PTGFRN: variants seen among roughly 807,000 people sequenced by gnomAD.
PTGFRN encodes the protein prostaglandin F2 receptor inhibitor, also known as prostaglandin F2 receptor negative regulator.
Under a neutral mutation model 83.2 loss-of-function variants are expected in PTGFRN, and 35 were observed. The ratio of observed to expected loss-of-function variants is 0.42; its 90% CI spans 0.32 to 0.56. The LOEUF (loss-of-function observed/expected upper bound fraction) is 0.56, where lower values mean the gene tolerates loss of function less well. Ranked by LOEUF, PTGFRN falls within the 20% of genes least tolerant of loss-of-function variation. PTGFRN has a pLI of 0.11. For missense variants in PTGFRN, 1,051 were observed against 1,179.5 expected (o/e 0.89, Z 1.60); for synonymous variants, 519 against 498.6 (o/e 1.04, Z -0.55).
At chr1:116,983,453 C>T (rs1050929182) in intron 7 of PTGFRN, among the ~76,000 whole-genome samples, 2 of 150,118 alleles carry the variant, frequency 1.3e-5, no homozygotes, top group Admixed American at 1.3e-4. Context: ...TTATGGCACT[C>T]CCTCTGCCCC....
intron 7 of PTGFRN, among the ~76,000 whole-genome samples, chr1:116,977,297 G>A (rs950226139): frequency 2.0e-5 from 3 of 152,106 alleles, no homozygotes; most frequent in Non-Finnish European, 4.4e-5. Context: ...CCCACTGTCA[G>A]CATTAGACAA....
intron 1 of PTGFRN, among the ~76,000 whole-genome samples, chr1:116,921,643 T>C (rs1032558738): frequency 2.6e-5 from 4 of 152,138 alleles, no homozygotes; most frequent in Non-Finnish European, 5.9e-5. Flanking sequence ...TTTTTTTTTT[T>C]AGTACTTCCG....
chr1:116,974,223 A>G lies in PTGFRN; in HGVS notation c.2067A>G (p.Ile689Met). ...IEIDFQTSGP[I>M]FNASVHSDTP... ...GCATTACTTTTTTTCCAGGTCCTAT[A>G]TTTAATGCTTCTGTGCATTCAGACA... is the stretch of plus-strand genomic sequence containing the variant. The change falls in exon 7 of 9, where the codon ATA becomes ATG. Residue 689 changes from isoleucine to methionine, a missense_variant. Physicochemically the swap from Ile to Met is conservative, Grantham distance 10 (BLOSUM62 1). Around this residue, in one of 3 missense-constraint regions of PTGFRN, gnomAD observed 719 missense variants for 836.6 expected, o/e 0.86. Transcript: ENST00000393203. The G allele has an allele frequency of 6.2e-7, 1 of 1,604,516 alleles. No homozygotes were observed. The highest frequency in any genetic ancestry group is 8.5e-7 in the Non-Finnish European group (1 of 1,171,798).
intron 5 of PTGFRN, among the ~76,000 whole-genome samples, chr1:116,964,962 A>T (rs962337992): frequency 6.6e-6 from 1 of 152,216 alleles, no homozygotes; most frequent in African/African-American, 2.4e-5. Context: ...AATCCTGTTA[A>T]ATATAAGTCA....
chr1:116,978,614 A>T (rs1651225249), intron 7 of PTGFRN, among the ~76,000 whole-genome samples: 1 of 152,226 alleles, frequency 6.6e-6, no homozygotes, highest in Non-Finnish European at 1.5e-5. Context: ...AGAACCAAAG[A>T]CAAAAACCAC....
chr1:116,954,123 G>C (rs949534023), intron 4 of PTGFRN, among the ~76,000 whole-genome samples: 128 of 152,192 alleles, frequency 8.4e-4, no homozygotes, highest in African/African-American at 2.9e-3. Context: ...CTCCCAAAGT[G>C]CTGGGATTAC....
chr1:116,926,279 A>G (rs1570647485), intron 1 of PTGFRN, among the ~76,000 whole-genome samples: 1 of 152,224 alleles, frequency 6.6e-6, no homozygotes, highest in South Asian at 2.1e-4. Flanking sequence ...ACTAGAGGCT[A>G]AAAAGAGGAC....
chr1:116,946,377 G>C (rs941288443), intron 3 of PTGFRN, among the ~76,000 whole-genome samples: 1 of 152,132 alleles, frequency 6.6e-6, no homozygotes, highest in Non-Finnish European at 1.5e-5. Flanking sequence ...GTCAGTCTGG[G>C]CTCCACTGGC....
chr1:116,977,579 G>T (rs1484682353), intron 7 of PTGFRN, among the ~76,000 whole-genome samples: 1 of 152,086 alleles, frequency 6.6e-6, no homozygotes, highest in Admixed American at 6.5e-5. Context: ...ACTCAAAATC[G>T]CTCAACTACA....
chr1:116,971,494 C>T (rs766820271), intron 6 of PTGFRN, among the ~76,000 whole-genome samples: 17 of 152,264 alleles, frequency 1.1e-4, no homozygotes, highest in Middle Eastern at 6.8e-3. Context: ...CTCTCTGTAC[C>T]ATACCCTGTC....
At chr1:116,919,625 G>A (rs1649491854) in intron 1 of PTGFRN, among the ~76,000 whole-genome samples, 1 of 152,170 alleles carries the variant, frequency 6.6e-6, no homozygotes, top group East Asian at 1.9e-4. Context: ...TTTAATAGAT[G>A]AGCAAACTGA....
intron 8 of PTGFRN, among the ~76,000 whole-genome samples, chr1:116,985,881 G>A (rs1651464261): frequency 1.3e-5 from 2 of 152,088 alleles, no homozygotes; most frequent in African/African-American, 4.8e-5. Flanking sequence ...GGGGACAGTT[G>A]TTCCTTGGTT....
Position 116,938,371 on chromosome 1 carries a change from A to T in PTGFRN, c.50-3344A>T, listed in dbSNP as rs117202237. ...GGTTTAATTGGACTTACTGTTCCCC[A>T]TGGCTGAGGAAGCCTCACAATCGTG... is the stretch of plus-strand genomic sequence containing the variant. On this transcript the variant is annotated intron_variant, in intron 1 of 8. Transcript: ENST00000393203. 4.1e-3 allele frequency among the ~76,000 whole-genome samples: 624 copies of T among 152,334 alleles called. 11 individuals carry two copies. Among genetic ancestry groups the T allele is most frequent in the East Asian group, 0.036 (185 of 5,180 alleles).
intron 1 of PTGFRN, among the ~76,000 whole-genome samples, chr1:116,928,592 G>A (rs536764288): frequency 6.6e-6 from 1 of 152,262 alleles, no homozygotes; most frequent in South Asian, 2.1e-4. Context: ...CTCAAAGTCT[G>A]CCCATCTGAG....
intron 1 of PTGFRN, among the ~76,000 whole-genome samples, chr1:116,940,287 G>C (rs1436696512): frequency 6.6e-6 from 1 of 152,182 alleles, no homozygotes; most frequent in Non-Finnish European, 1.5e-5. Context: ...TTCTCCCTTA[G>C]CTTCTGGTGG....
intron 1 of PTGFRN, among the ~76,000 whole-genome samples, chr1:116,939,645 C>G (rs1406560670): frequency 6.6e-6 from 1 of 152,210 alleles, no homozygotes; most frequent in African/African-American, 2.4e-5. Context: ...CATTAGGCTC[C>G]TCATTACTTA....
rs571155695 is a variant in PTGFRN, at chr1:116,952,736, T to G, written c.1213+3164T>G. 6.6e-6 allele frequency among the ~76,000 whole-genome samples: 1 copy of G among 152,352 alleles called. No individual in the cohort carries two copies. The highest frequency in any genetic ancestry group is 6.5e-5 in the Admixed American group (1 of 15,308). ...TCTTGGCATTGAATTTATCATGTGC[T>G]TTTTCATTTTGGGGCATTGGAAAAG... On this transcript the variant is annotated intron_variant, in intron 4 of 8. Coordinates refer to ENST00000393203, the MANE Select transcript of PTGFRN (RefSeq NM_020440.4). The surrounding 1 kb of genome is among the most constrained non-coding windows in gnomAD (Gnocchi z 4.0).
At chr1:116,953,027 T>C (rs1156649785) in intron 4 of PTGFRN, among the ~76,000 whole-genome samples, 1 of 152,232 alleles carries the variant, frequency 6.6e-6, no homozygotes, top group Non-Finnish European at 1.5e-5. Flanking sequence ...ATGTCTTAAA[T>C]GAGCCTTTGG....
intron 1 of PTGFRN, among the ~76,000 whole-genome samples, chr1:116,920,941 A>G (rs1256544756): frequency 6.6e-6 from 1 of 152,190 alleles, no homozygotes; most frequent in Non-Finnish European, 1.5e-5. Context: ...TGAAATTCTG[A>G]CATCTCCAAC....
Sources: gnomAD v4.1 joint callset for allele counts (sites outside exome capture counted in the v4.1 genomes callset) on GRCh38, gnomAD v4.1.1 for gene constraint, gnomAD v4.1.1 regional missense constraint, Gnocchi (gnomAD v3.1) non-coding constraint, MANE v1.5 for transcripts, NCBI Gene and HGNC (gene_info 2026-07-23, HGNC 2026-07-21) for gene names.